The following ZC3H18 variants were observed in gnomAD, a reference collection of about 807,000 sequenced individuals.
ZC3H18 encodes zinc finger CCCH domain-containing protein 18.
Under a neutral mutation model 106.1 loss-of-function variants are expected in ZC3H18, and 8 were observed. The ratio of observed to expected loss-of-function variants is 0.08; its 90% CI spans 0.04 to 0.14. ZC3H18 has a LOEUF of 0.14. ZC3H18 is among the 10% of genes least tolerant of loss of function. The pLI is 1.00. For synonymous variants in ZC3H18, 635 were observed against 522.1 expected (o/e 1.22, Z -2.95); for missense variants, 1,318 against 1,278.4 (o/e 1.03, Z -0.47).
At chr16:88,599,390 C>G (rs897600620) in intron 5 of ZC3H18, among the ~76,000 whole-genome samples, 1 of 152,206 alleles carries the variant, frequency 6.6e-6, no homozygotes, top group Non-Finnish European at 1.5e-5. Flanking sequence ...TCCTCATTTT[C>G]CTGGTCAGCC....
rs1597311133 is a variant in ZC3H18, at chr16:88,570,559, G to T, written c.-22G>T. On this transcript the variant is annotated 5_prime_UTR_variant, in exon 1 of 18. Coordinates refer to ENST00000301011, the MANE Select transcript of ZC3H18 (RefSeq NM_144604.4). The stretch of plus-strand genomic sequence containing the variant: ...GAGCCGTGGCCTCCTCTCCGCCCTA[G>T]CGCTGAGGTTAGCTGGGGCCGGGAG... 6.6e-6 allele frequency: 1 copy of T among 151,952 alleles called. No individual in the cohort carries two copies. 9.4% of individuals were successfully genotyped at this position (151,952 alleles called of 1,614,324 possible).
At chr16:88,624,476 G>A (rs1906168998) in intron 11 of ZC3H18, 126 bp from the exon 12 acceptor site, 6 of 1,453,690 alleles carry the variant, frequency 4.1e-6, no homozygotes, top group Middle Eastern at 1.8e-4. Context: ...CCAGGCACGA[G>A]CGTGCTCACC....
At chr16:88,598,791 G>C (rs984905911) in intron 5 of ZC3H18, 79 bp downstream of exon 5, 2 of 1,327,026 alleles carry the variant, frequency 1.5e-6, no homozygotes, top group East Asian at 2.5e-5. Context: ...GGATTTCCTC[G>C]GTCCAGAGAG....
chr16:88,574,934 A>G (rs1334092643), intron 1 of ZC3H18, among the ~76,000 whole-genome samples: 2 of 148,080 alleles, frequency 1.4e-5, no homozygotes, highest in African/African-American at 5.0e-5. Context: ...GGTTCACGCC[A>G]TTCTCCTGCC....
chr16:88,605,136 C>T (rs1015065511), intron 6 of ZC3H18, among the ~76,000 whole-genome samples: 3 of 152,238 alleles, frequency 2.0e-5, no homozygotes, highest in Non-Finnish European at 4.4e-5. Flanking sequence ...ACTGAGAGAG[C>T]ACAAGTGGCT....
intron 3 of ZC3H18, among the ~76,000 whole-genome samples, chr16:88,595,736 G>T (rs1412766788): frequency 6.6e-6 from 1 of 151,292 alleles, no homozygotes; most frequent in African/African-American, 2.4e-5. Flanking sequence ...GAACTGTGAG[G>T]CAGAGGTTGC....
In ZC3H18 at chr16:88,625,277, A is replaced by G; in HGVS notation, c.2108+10A>G. The G allele has an allele frequency of 6.3e-7, 1 of 1,581,392 alleles. No individual in the cohort carries two copies. The highest frequency in any genetic ancestry group is 8.6e-7 in the Non-Finnish European group (1 of 1,163,788). On this transcript the variant is annotated intron_variant, in intron 13 of 17. Coordinates refer to ENST00000301011, the MANE Select transcript of ZC3H18 (RefSeq NM_144604.4). ...CCAGCTCCCGATCCAGGTCATCCCC[A>G]TCACCCTGTGCCTCTGTTTCTCCCT...
intron 3 of ZC3H18, among the ~76,000 whole-genome samples, chr16:88,590,472 C>T (rs1376304053): frequency 1.3e-5 from 2 of 151,714 alleles, no homozygotes; most frequent in East Asian, 3.9e-4. Context: ...CTCTCGTGGG[C>T]CTGTGTTGGA....
At chr16:88,599,664 A>C (rs1196114515) in intron 5 of ZC3H18, 127 bp from the exon 6 acceptor site, 1 of 1,131,048 alleles carries the variant, frequency 8.8e-7, no homozygotes, top group Non-Finnish European at 1.3e-6. Flanking sequence ...CCCCTTGAGC[A>C]CTTGCAGCGT....
intron 8 of ZC3H18, among the ~76,000 whole-genome samples, chr16:88,611,853 A>G (rs1567592684): frequency 6.6e-6 from 1 of 152,206 alleles, no homozygotes; most frequent in Non-Finnish European, 1.5e-5. Flanking sequence ...CTGCCCTTGT[A>G]TACCACGCAC....
intron 8 of ZC3H18, among the ~76,000 whole-genome samples, chr16:88,614,753 T>C (rs977628959): frequency 2.6e-5 from 4 of 152,260 alleles, no homozygotes; most frequent in African/African-American, 9.6e-5. Context: ...TTGTGCCGCC[T>C]TCTTCAGCCT....
In ZC3H18 at chr16:88,623,972, C is replaced by G. The variant is rs748260869; in HGVS notation, c.1808C>G (p.Ser603Cys). 6 of 1,612,554 alleles carry G rather than the reference C, an allele frequency of 3.7e-6. No homozygotes were observed. The Admixed American group carries it at 5.0e-5, about 13-fold the overall frequency. The change falls in exon 11 of 18, where the codon TCT (serine) becomes TGT (cysteine). Residue 603 changes from serine to cysteine, a missense_variant. Physicochemically the swap from Ser to Cys is moderately radical, Grantham distance 112. This residue lies in a region of ZC3H18 where 848 missense variants were observed against 821.7 expected (regional missense o/e 1.03). Coordinates refer to ENST00000301011, the MANE Select transcript of ZC3H18 (RefSeq NM_144604.4). The stretch of plus-strand genomic sequence containing the variant: ...CACTCCCCTAGGTCCCGGTCCTTCT[C>G]TTCGTCCCCGTCCCCGTCCCCAACA... Reference protein sequence around the residue: ...SGSRSRSRSFSSSPSPSPTPS... With the variant: ...SGSRSRSRSFCSSPSPSPTPS...
intron 3 of ZC3H18, among the ~76,000 whole-genome samples, chr16:88,596,272 T>G (rs1023680027): frequency 1.3e-5 from 2 of 152,176 alleles, no homozygotes; most frequent in Non-Finnish European, 2.9e-5. Context: ...TCGTAGGTGA[T>G]GTCCTAAAAA....
At chr16:88,573,959 G>A (rs565404336) in intron 1 of ZC3H18, among the ~76,000 whole-genome samples, 2 of 150,624 alleles carry the variant, frequency 1.3e-5, no homozygotes, top group South Asian at 2.1e-4. Context: ...TGCAACCTCC[G>A]CCCCCCCGAG....
chr16:88,573,403 G>A (rs1048154824), intron 1 of ZC3H18, among the ~76,000 whole-genome samples: 6 of 152,038 alleles, frequency 3.9e-5, no homozygotes, highest in Non-Finnish European at 4.4e-5. Flanking sequence ...ACAACCCCAC[G>A]CAGACTCCCA....
chr16:88,628,000 C>T lies in ZC3H18; in HGVS notation c.2350C>T (p.Pro784Ser). Residue 784 changes from proline (P) to serine (S), a missense_variant, in exon 15 of 18, where the codon CCT (proline) becomes TCT (serine). Physicochemically the swap from Pro to Ser is moderately conservative, Grantham distance 74. Transcript: ENST00000301011. The surrounding 1 kb of genome is among the most constrained non-coding windows in gnomAD (Gnocchi z 4.5). Reference sequence around the variant, plus strand: ...CACACAACCACCCAAATCTGCAAAACCTCCAGCAGGGGGGAAGTCCTCCCA... The same window carrying T: ...CACACAACCACCCAAATCTGCAAAATCTCCAGCAGGGGGGAAGTCCTCCCA... ...SSTQPPKSAK[P>S]PAGGKSSQQP... is the part of the protein sequence containing the mutation. 6.2e-7 allele frequency: 1 copy of T among 1,614,170 alleles called. No individual in the cohort carries two copies. The highest frequency in any genetic ancestry group is 8.5e-7 in the Non-Finnish European group (1 of 1,180,048).
intron 2 of ZC3H18, among the ~76,000 whole-genome samples, chr16:88,580,824 C>G (rs78935266): frequency 1.4e-4 from 22 of 152,314 alleles, no homozygotes; most frequent in Non-Finnish European, 2.8e-4. Context: ...TGCAAAGTGT[C>G]CGTTCTAGAA....
chr16:88,596,442 C>G lies in ZC3H18; in HGVS notation c.689-1736C>G, dbSNP rs751358844. On this transcript the variant is annotated intron_variant, in intron 3 of 17. Transcript: ENST00000301011. ...AGATCACAAGGTCAGGAGTTCGAGACCAGCCTGACCAAGTTGGTGAAGTCC... is the reference window on the plus strand; with the variant it reads ...AGATCACAAGGTCAGGAGTTCGAGAGCAGCCTGACCAAGTTGGTGAAGTCC... Among the ~76,000 whole-genome samples the G allele has an allele frequency of 1.1e-4, 17 of 152,072 alleles. 1 individual carries two copies. Among genetic ancestry groups the G allele is most frequent in the Middle Eastern group, 6.8e-3 (2 of 294 alleles).
At chr16:88,572,450 C>T (rs759225914) in intron 1 of ZC3H18, among the ~76,000 whole-genome samples, 6 of 151,806 alleles carry the variant, frequency 4.0e-5, no homozygotes, top group Non-Finnish European at 7.4e-5. Flanking sequence ...CCTCAATTAA[C>T]GAGTTTTTTG....
Sources: gnomAD v4.1 joint callset for allele counts (sites outside exome capture counted in the v4.1 genomes callset) on GRCh38, gnomAD v4.1.1 for gene constraint, gnomAD v4.1.1 regional missense constraint, Gnocchi (gnomAD v3.1) non-coding constraint, MANE v1.5 for transcripts, NCBI Gene and HGNC (gene_info 2026-07-23, HGNC 2026-07-21) for gene names.